AOPEP: variants seen among roughly 807,000 people sequenced by gnomAD.
The protein encoded by AOPEP is aminopeptidase O (putative).
AOPEP carries 77 observed loss-of-function variants against 98.1 expected under a neutral mutation model. The ratio of observed to expected loss-of-function variants is 0.78; its 90% CI spans 0.65 to 0.95. The LOEUF (loss-of-function observed/expected upper bound fraction) is 0.95. Among genes scored for constraint, AOPEP ranks in the 40% least tolerant of loss-of-function variants. AOPEP has a pLI of 0.00. For missense variants in AOPEP, 1,024 were observed against 1,024.7 expected (o/e 1.00, Z 0.01); for synonymous variants, 346 against 365.3 (o/e 0.95, Z 0.60).
intron 5 of AOPEP, among the ~76,000 whole-genome samples, chr9:94,917,174 TTCTCTCG>T (rs2052956849): frequency 1.3e-5 from 2 of 152,084 alleles, no homozygotes; most frequent in African/African-American, 4.8e-5. Context: ...CTCCACAACG[TTCTCTCG>T]GGATGTGTTG....
chr9:95,032,951 G>GAACT, intron 13 of AOPEP, among the ~76,000 whole-genome samples: 1 of 152,310 alleles, frequency 6.6e-6, no homozygotes, highest in South Asian at 2.1e-4. Flanking sequence ...TGTGCCAAGT[G>GAACT]CTAGAACACT....
intron 13 of AOPEP, among the ~76,000 whole-genome samples, chr9:95,036,073 C>T (rs907893036): frequency 6.6e-6 from 1 of 152,084 alleles, no homozygotes; most frequent in Non-Finnish European, 1.5e-5. Flanking sequence ...TTAAATCTCC[C>T]TAGATTTTTG....
In AOPEP at chr9:94,888,692, C is replaced by T. The variant is rs536293746; in HGVS notation, c.1365-35294C>T. On this transcript the variant is annotated intron_variant, in intron 5 of 16. Coordinates refer to ENST00000375315, the MANE Select transcript of AOPEP (RefSeq NM_001193329.3). ...AGGTGAGGCCTGAATGGGTTGTCCC[C>T]TATGAGGTTGGGGTCTAGGGTTTTT... is the stretch of plus-strand genomic sequence containing the variant. Among the ~76,000 whole-genome samples, 12 of 152,170 alleles carry T rather than the reference C, an allele frequency of 7.9e-5. No individual in the cohort carries two copies. The South Asian group carries it at 2.5e-3, about 32-fold the overall frequency.
intron 5 of AOPEP, among the ~76,000 whole-genome samples, chr9:94,907,769 G>A (rs1320702429): frequency 1.3e-5 from 2 of 152,130 alleles, no homozygotes; most frequent in African/African-American, 2.4e-5. Flanking sequence ...GCTGACCAAG[G>A]TGCAGGCAGC....
chr9:94,933,281 TCTGC>T, intron 7 of AOPEP: 1 of 985,504 alleles, frequency 1.0e-6, no homozygotes, highest in Non-Finnish European at 1.2e-6. Flanking sequence ...TCCGGCAGCT[TCTGC>T]CTAAGTGCTT....
chr9:94,745,195 C>A (rs1319708163), intron 1 of AOPEP, among the ~76,000 whole-genome samples: 1 of 152,138 alleles, frequency 6.6e-6, no homozygotes, highest in Non-Finnish European at 1.5e-5. Context: ...TATCTTTGTA[C>A]CCATTAACCA....
the AOPEP span, chr9:95,126,856 G>T: frequency 2.3e-6 from 1 of 431,308 alleles, no homozygotes; most frequent in Non-Finnish European, 4.3e-6. Flanking sequence ...CCATAATACA[G>T]AATCAGTAAG....
chr9:94,970,548 C>T (rs571606271), intron 10 of AOPEP, among the ~76,000 whole-genome samples: 2 of 151,840 alleles, frequency 1.3e-5, no homozygotes, highest in East Asian at 2.0e-4. Flanking sequence ...AAATCTTATG[C>T]AGGGAGATTG....
At chr9:94,794,773 C>A (rs1846531396) in intron 4 of AOPEP, among the ~76,000 whole-genome samples, 1 of 145,782 alleles carries the variant, frequency 6.9e-6, no homozygotes, top group Non-Finnish European at 1.5e-5. Flanking sequence ...TCCTCCTGTG[C>A]TCTCTTTCCT....
chr9:95,116,853 C>T, the AOPEP span, among the ~76,000 whole-genome samples: 1 of 152,214 alleles, frequency 6.6e-6, no homozygotes, highest in Non-Finnish European at 1.5e-5. Context: ...AAATCCTTCC[C>T]TTAGCTTGGT....
rs544009691 is a variant in AOPEP at position 95,030,568 on chromosome 9, G to A, written c.2115+24952G>A. On this transcript the variant is annotated intron_variant, in intron 13 of 16. Transcript: ENST00000375315. Reference sequence around the variant, plus strand: ...AGCGTCTGAGCCTCATGAAGGGATCGTGTCGGACTGTGAGAGGAAGGTTTG... The same window carrying A: ...AGCGTCTGAGCCTCATGAAGGGATCATGTCGGACTGTGAGAGGAAGGTTTG... 1.6e-4 allele frequency among the ~76,000 whole-genome samples: 24 copies of A among 152,302 alleles called. No homozygotes were observed. In the East Asian group the frequency reaches 4.4e-3, roughly 28 times the overall value.
intron 7 of AOPEP, among the ~76,000 whole-genome samples, chr9:94,931,294 C>T (rs923510627): frequency 1.3e-5 from 2 of 152,094 alleles, no homozygotes; most frequent in African/African-American, 4.8e-5. Context: ...TTTTTTATGG[C>T]ATTTGCTTTT....
intron 11 of AOPEP, chr9:95,004,249 G>A (rs1002334705): frequency 2.2e-6 from 1 of 456,580 alleles, no homozygotes; most frequent in African/African-American, 2.0e-5. Flanking sequence ...CCTTTGGCGG[G>A]TGGAGGAAAA....
At chr9:95,062,056 C>T (rs781763411) in intron 14 of AOPEP, among the ~76,000 whole-genome samples, 1 of 152,206 alleles carries the variant, frequency 6.6e-6, no homozygotes, top group East Asian at 1.9e-4. Context: ...GAGCAGGCAC[C>T]GGGCACCTGT....
chr9:94,833,399 A>G (rs1217416805), intron 5 of AOPEP, among the ~76,000 whole-genome samples: 1 of 151,386 alleles, frequency 6.6e-6, no homozygotes, highest in Admixed American at 6.6e-5. Context: ...CACCACACTC[A>G]GCTAATTTTG....
chr9:95,134,819 C>T, the AOPEP span, among the ~76,000 whole-genome samples: 2 of 152,092 alleles, frequency 1.3e-5, no homozygotes, highest in East Asian at 1.9e-4. Context: ...CAGTCCTGAG[C>T]GGGAAGGGAG....
intron 13 of AOPEP, among the ~76,000 whole-genome samples, chr9:95,045,489 TTTCTA>T (rs2133683257): frequency 6.6e-6 from 1 of 152,354 alleles, no homozygotes; most frequent in East Asian, 1.9e-4. Context: ...CGCCTGAGTT[TTTCTA>T]AAGCCTTCTT....
intron 7 of AOPEP, chr9:94,931,984 A>G: frequency 8.5e-7 from 1 of 1,182,630 alleles, no homozygotes. Flanking sequence ...GCTGATAAAG[A>G]ACCAAGGCTC....
intron 3 of AOPEP, among the ~76,000 whole-genome samples, chr9:94,774,225 T>C (rs1452858331): frequency 7.0e-6 from 1 of 143,412 alleles, no homozygotes; most frequent in East Asian, 2.0e-4. Context: ...GGCAGGAGAA[T>C]GGCGTGAACC....
Sources: gnomAD v4.1 joint callset for allele counts (sites outside exome capture counted in the v4.1 genomes callset) on GRCh38, gnomAD v4.1.1 for gene constraint, MANE v1.5 for transcripts, NCBI Gene and HGNC (gene_info 2026-07-23, HGNC 2026-07-21) for gene names.